HMGB1: variants seen among roughly 807,000 people sequenced by gnomAD.
The protein encoded by HMGB1 is high mobility group box 1, also known as high mobility group protein B1.
For missense variants in HMGB1, 79 were observed against 253.5 expected (o/e 0.31, Z 4.67); for synonymous variants, 81 against 84.0 (o/e 0.96, Z 0.19).
At chr13:30,505,227 G>A (rs1887826962) in intron 1 of HMGB1, among the ~76,000 whole-genome samples, 1 of 151,962 alleles carries the variant, frequency 6.6e-6, no homozygotes, top group Admixed American at 6.6e-5. Flanking sequence ...CACCCAGGCT[G>A]GAGTACAGTG....
At chr13:30,567,498 C>A (rs1457711078) in intron 1 of HMGB1, among the ~76,000 whole-genome samples, 1 of 151,980 alleles carries the variant, frequency 6.6e-6, no homozygotes, top group African/African-American at 2.4e-5. Flanking sequence ...TACAGGTGTG[C>A]ACCCCCACAC....
At position 30,519,424 on chromosome 13, in the gene HMGB1, G is replaced by A. The variant is rs190186875; in HGVS notation, c.-14-55730C>T. ...AAAAAAAAGTAAAAAGGCCGGGCGCGGTGGTTCACGCCTGTAATCCCAGCA... is the reference window on the plus strand; with the variant it reads ...AAAAAAAAGTAAAAAGGCCGGGCGCAGTGGTTCACGCCTGTAATCCCAGCA... On this transcript the variant is annotated intron_variant, in intron 1 of 4. Transcript: ENST00000405805. Among the ~76,000 whole-genome samples, 224 of 150,818 alleles carry A rather than the reference G, an allele frequency of 1.5e-3. 2 individuals are homozygous for A. The highest frequency in any genetic ancestry group is 3.4e-3 in the African/African-American group (141 of 40,950).
chr13:30,505,404 T>A (rs970498071), intron 1 of HMGB1, among the ~76,000 whole-genome samples: 2 of 150,804 alleles, frequency 1.3e-5, no homozygotes, highest in African/African-American at 5.0e-5. Flanking sequence ...GGTCTCCATC[T>A]CCTGACCTCG....
chr13:30,499,729 G>C (rs9579586), intron 1 of HMGB1, among the ~76,000 whole-genome samples: 52,777 of 152,174 alleles, frequency 0.35, 10,408 homozygotes, highest in Middle Eastern at 0.5. Flanking sequence ...AGACCAAAAA[G>C]GAACCTTGAA....
At chr13:30,584,421 T>C (rs1183968546) in intron 1 of HMGB1, among the ~76,000 whole-genome samples, 1 of 152,190 alleles carries the variant, frequency 6.6e-6, no homozygotes, top group East Asian at 1.9e-4. Flanking sequence ...TTATTCCAAT[T>C]TATTTTCTCC....
chr13:30,496,249 C>T (rs560717513), intron 1 of HMGB1, among the ~76,000 whole-genome samples: 1 of 152,278 alleles, frequency 6.6e-6, no homozygotes, highest in South Asian at 2.1e-4. Context: ...GTTTCTTGCT[C>T]CTGATAGCAG....
chr13:30,494,240 T>C (rs1887561628), intron 1 of HMGB1, among the ~76,000 whole-genome samples: 1 of 152,216 alleles, frequency 6.6e-6, no homozygotes, highest in South Asian at 2.1e-4. Flanking sequence ...GCAATCACCT[T>C]TACTCTACTT....
At chr13:30,576,849 C>A (rs559821080) in intron 1 of HMGB1, among the ~76,000 whole-genome samples, 1 of 152,086 alleles carries the variant, frequency 6.6e-6, no homozygotes, top group Non-Finnish European at 1.5e-5. Flanking sequence ...CACATCAAAT[C>A]GATTACCAAC....
intron 1 of HMGB1, chr13:30,539,505 A>G (rs1271610342): frequency 4.1e-6 from 1 of 241,674 alleles, no homozygotes; most frequent in Non-Finnish European, 8.0e-6. Context: ...CTACGAAGGA[A>G]GGAAAAATAT....
chr13:30,568,301 G>A (rs558387964), intron 1 of HMGB1, among the ~76,000 whole-genome samples: 3 of 152,268 alleles, frequency 2.0e-5, no homozygotes, highest in Admixed American at 2.0e-4. Flanking sequence ...GAGCCCAGGA[G>A]TTCAAGAACA....
At chr13:30,512,219 A>T (rs978050437) in intron 1 of HMGB1, among the ~76,000 whole-genome samples, 1 of 152,138 alleles carries the variant, frequency 6.6e-6, no homozygotes, top group Non-Finnish European at 1.5e-5. Context: ...GTGACTGAGG[A>T]GGTCAAGGTA....
At chr13:30,521,910 C>A (rs1175082462) in intron 1 of HMGB1, among the ~76,000 whole-genome samples, 4 of 152,162 alleles carry the variant, frequency 2.6e-5, no homozygotes, top group Non-Finnish European at 5.9e-5. Context: ...TTAGAACCAT[C>A]TTAGTGGGTG....
chr13:30,552,976 A>C (rs376954620), intron 1 of HMGB1, among the ~76,000 whole-genome samples: 21 of 152,318 alleles, frequency 1.4e-4, no homozygotes, highest in African/African-American at 5.1e-4. Context: ...CATGGGAACC[A>C]CTTGGCACTC....
At position 30,510,247 on chromosome 13, in the gene HMGB1, A is replaced by G. The variant is rs555798949; in HGVS notation, c.-14-46553T>C. ...GTTGTATGAGTGATTTTATGAGTGAATGAGTGAGTGGGGGTAGGCATCTTT... is the reference window on the plus strand; with the variant it reads ...GTTGTATGAGTGATTTTATGAGTGAGTGAGTGAGTGGGGGTAGGCATCTTT... On this transcript the variant is annotated intron_variant, in intron 1 of 4. Transcript: ENST00000405805. Among the ~76,000 whole-genome samples, 637 of 150,344 alleles carry G rather than the reference A, an allele frequency of 4.2e-3. 2 individuals carry two copies. Among genetic ancestry groups the G allele is most frequent in the Non-Finnish European group, 5.1e-3 (347 of 67,918 alleles).
chr13:30,544,625 G>C (rs1869060698), intron 1 of HMGB1, among the ~76,000 whole-genome samples: 1 of 152,148 alleles, frequency 6.6e-6, no homozygotes, highest in South Asian at 2.1e-4. Flanking sequence ...TGGAAGCTCT[G>C]CACCCTTCCC....
rs1886759367 is a variant in HMGB1, at chr13:30,465,869, A to G, written c.-88T>C. The stretch of plus-strand genomic sequence containing the variant: ...CCCGGTGCTGTCTCTATGGAGCTCA[A>G]TGTACTGCAATGGCTGTGAGAGCGG... On this transcript the variant is annotated 5_prime_UTR_variant, in exon 1 of 5. Coordinates refer to ENST00000341423, the MANE Select transcript of HMGB1 (RefSeq NM_002128.7). 6.1e-6 allele frequency: 6 copies of G among 985,550 alleles called. No homozygotes were observed. Among genetic ancestry groups the G allele is most frequent in the Non-Finnish European group, 4.8e-6 (4 of 829,772 alleles). 61.1% of individuals were successfully genotyped at this position (985,550 alleles called of 1,614,324 possible).
At chr13:30,509,282 A>G (rs577085408) in intron 1 of HMGB1, among the ~76,000 whole-genome samples, 1 of 149,910 alleles carries the variant, frequency 6.7e-6, no homozygotes, top group East Asian at 1.9e-4. Flanking sequence ...TCTGTCACCC[A>G]GGCTGGAGTG....
intron 1 of HMGB1, among the ~76,000 whole-genome samples, chr13:30,582,954 T>C (rs1870968140): frequency 1.3e-5 from 2 of 152,094 alleles, no homozygotes; most frequent in African/African-American, 4.8e-5. Flanking sequence ...TCTCATAATC[T>C]CCCACTTGTA....
chr13:30,482,974 A>G (rs1482764362), intron 1 of HMGB1, among the ~76,000 whole-genome samples: 1 of 149,766 alleles, frequency 6.7e-6, no homozygotes, highest in African/African-American at 2.5e-5. Context: ...TTTTCCGTAG[A>G]GACAGGGTAT....
Sources: allele counts gnomAD v4.1 joint callset (sites outside exome capture counted in the v4.1 genomes callset), GRCh38; gene constraint gnomAD v4.1.1; transcripts MANE v1.5; gene names NCBI Gene and HGNC (gene_info 2026-07-23, HGNC 2026-07-21).